ACACA: variants seen among roughly 807,000 people sequenced by gnomAD.
ACACA encodes the protein acetyl-CoA carboxylase 1.
In ACACA, 103 loss-of-function variants were observed where a neutral mutation model predicts 296.1. The observed-to-expected ratio is 0.35, with a 90% CI of 0.30 to 0.41. The LOEUF is 0.41. ACACA is among the 10% of genes least tolerant of loss of function. ACACA has a pLI of 1.00. For synonymous variants in ACACA, 953 were observed against 1,038.6 expected, an observed-to-expected ratio of 0.92 and a Z score of 1.58; for missense variants, 1,554 against 2,989.7, an observed-to-expected ratio of 0.52 and a Z score of 11.20.
At chr17:37,242,929 G>C (rs2080493233) in intron 22 of ACACA, among the ~76,000 whole-genome samples, 4 of 152,192 alleles carry the variant, frequency 2.6e-5, no homozygotes, top group Non-Finnish European at 4.4e-5. Flanking sequence ...CAGCTACTCA[G>C]GAGGCTGAGG....
intron 35 of ACACA, among the ~76,000 whole-genome samples, chr17:37,195,379 AG>A (rs1421856309): frequency 6.6e-6 from 1 of 152,208 alleles, no homozygotes; most frequent in East Asian, 1.9e-4. Flanking sequence ...AGGCATATAA[AG>A]CAGTTTGAAT....
chr17:37,398,230 A>AT (rs1491546831), intron 1 of ACACA, among the ~76,000 whole-genome samples: 1 of 49,958 alleles, frequency 2.0e-5, no homozygotes, highest in Non-Finnish European at 3.1e-5. Flanking sequence ...ACTCTGTCTC[A>AT]AAAAAAAAAA....
intron 41 of ACACA, among the ~76,000 whole-genome samples, chr17:37,163,556 C>T (rs115950890): frequency 3.9e-5 from 6 of 152,182 alleles, no homozygotes; most frequent in Admixed American, 1.3e-4. Context: ...TGACGTCTCA[C>T]GGACTGTACA....
At position 37,215,524 on chromosome 17, in the gene ACACA, T is replaced by C. The variant is rs145949419; in HGVS notation, c.3684-5034A>G. ...CATAGGCACAATTTATGGGATAATA[T>C]ACTTTACATATGTTTGTATAAATAT... On this transcript the variant is annotated intron_variant, in intron 29 of 55. Transcript: ENST00000616317. Among the ~76,000 whole-genome samples the C allele has an allele frequency of 1.0e-3, 152 of 152,300 alleles. 1 individual carries two copies. The highest frequency in any genetic ancestry group is 3.6e-3 in the African/African-American group (148 of 41,576).
chr17:37,302,425 G>T (rs1329804263), intron 3 of ACACA, among the ~76,000 whole-genome samples: 1 of 151,990 alleles, frequency 6.6e-6, no homozygotes, highest in Non-Finnish European at 1.5e-5. Context: ...GGCCAGACTG[G>T]TCTCGAACTC....
chr17:37,185,140 T>C (rs2144960589), intron 39 of ACACA, among the ~76,000 whole-genome samples: 1 of 152,316 alleles, frequency 6.6e-6, no homozygotes, highest in East Asian at 1.9e-4. Context: ...ACTGTGATAG[T>C]ACTTACACGG....
chr17:37,332,996 C>T (rs1418340534), intron 2 of ACACA, among the ~76,000 whole-genome samples: 1 of 151,458 alleles, frequency 6.6e-6, no homozygotes, highest in Non-Finnish European at 1.5e-5. Context: ...AACTTGTATA[C>T]TGATGGAAGT....
chr17:37,137,867 C>T (rs781743445), intron 45 of ACACA, among the ~76,000 whole-genome samples: 1 of 152,152 alleles, frequency 6.6e-6, no homozygotes, highest in South Asian at 2.1e-4. Context: ...GCATATTTTA[C>T]CAATGGGTCA....
chr17:37,297,475 G>A (rs890247669), intron 3 of ACACA, among the ~76,000 whole-genome samples: 15 of 150,564 alleles, frequency 1.0e-4, no homozygotes, highest in Non-Finnish European at 2.1e-4. Context: ...ACACACATGC[G>A]TGTGTGTACA....
At chr17:37,122,849 A>G in intron 48 of ACACA, 1 of 625,652 alleles carries the variant, frequency 1.6e-6, no homozygotes, top group Non-Finnish European at 2.9e-6. Context: ...TCTATTCGGA[A>G]ATGTCCCAAC....
At chr17:37,141,209 A>G in intron 45 of ACACA, 1 of 567,194 alleles carries the variant, frequency 1.8e-6, no homozygotes, top group South Asian at 1.5e-5. Flanking sequence ...GTGATCTCAG[A>G]TTCCTTGATG....
intron 45 of ACACA, among the ~76,000 whole-genome samples, chr17:37,139,684 G>A (rs1397776750): frequency 6.6e-6 from 1 of 152,188 alleles, no homozygotes; most frequent in Non-Finnish European, 1.5e-5. Context: ...GGGCTCCGAA[G>A]GTACTGCATG....
intron 3 of ACACA, among the ~76,000 whole-genome samples, chr17:37,301,817 G>A (rs1012628398): frequency 6.6e-5 from 10 of 152,030 alleles, no homozygotes; most frequent in African/African-American, 2.2e-4. Flanking sequence ...TAAATTTTAG[G>A]ATCGGCTTGT....
At chr17:37,267,748 A>ACTTCTT (rs778700072) in intron 10 of ACACA, among the ~76,000 whole-genome samples, 4 of 141,746 alleles carry the variant, frequency 2.8e-5, no homozygotes, top group Non-Finnish European at 6.0e-5. Context: ...TCCTATATTG[A>ACTTCTT]CTTCTTCTTC....
rs1380805118 is a variant in ACACA, at chr17:37,406,701, G to T, written c.-402C>A. The T allele has an allele frequency of 9.7e-6, 3 of 309,852 alleles. No homozygotes were observed. Among genetic ancestry groups the T allele is most frequent in the Non-Finnish European group, 1.9e-5 (3 of 161,890 alleles). 19.2% of individuals were successfully genotyped at this position (309,852 alleles called of 1,614,324 possible). ...GGTCGGATCAAAAGTCAGGCAAGCG[G>T]CTCAGCCCCATCCTCCCAGTCCTCG... On this transcript the variant is annotated 5_prime_UTR_variant, in exon 1 of 56. Coordinates refer to ENST00000616317, the MANE Select transcript of ACACA (RefSeq NM_198834.3).
chr17:37,147,450 A>G (rs1488998904), intron 45 of ACACA, among the ~76,000 whole-genome samples: 4 of 152,200 alleles, frequency 2.6e-5, no homozygotes, highest in African/African-American at 9.7e-5. Context: ...CTACAGAAAG[A>G]AAGGCAAACA....
intron 3 of ACACA, among the ~76,000 whole-genome samples, chr17:37,311,568 A>C (rs1486194492): frequency 1.3e-5 from 2 of 152,190 alleles, no homozygotes; most frequent in African/African-American, 2.4e-5. Flanking sequence ...CAAAGCTATA[A>C]ATTAAAAGTG....
chr17:37,359,162 C>CCCCGCCCCGCCCCTGTCT (rs1221656164), intron 1 of ACACA: 1 of 982,610 alleles, frequency 1.0e-6, no homozygotes, highest in Non-Finnish European at 1.2e-6. Flanking sequence ...CCTGACCCGC[C>CCCCGCCCCGCCCCTGTCT]CCCGCCCCGC....
intron 29 of ACACA, among the ~76,000 whole-genome samples, chr17:37,212,104 T>A (rs1251963925): frequency 6.6e-6 from 1 of 152,206 alleles, no homozygotes; most frequent in Non-Finnish European, 1.5e-5. Context: ...TTAGCATGAA[T>A]CTCAGTTCAG....
Sources: allele counts gnomAD v4.1 joint callset (sites outside exome capture counted in the v4.1 genomes callset), GRCh38; gene constraint gnomAD v4.1.1; transcripts MANE v1.5; gene names NCBI Gene and HGNC (gene_info 2026-07-23, HGNC 2026-07-21).